The following PLCB1 variants were observed in gnomAD, a reference collection of about 807,000 sequenced individuals.
PLCB1 encodes 1-phosphatidylinositol 4,5-bisphosphate phosphodiesterase beta-1.
Under a neutral mutation model 161.8 loss-of-function variants are expected in PLCB1, and 46 were observed. The ratio of observed to expected loss-of-function variants is 0.28; its 90% CI spans 0.22 to 0.36. PLCB1 has a LOEUF of 0.36. Ranked by LOEUF, PLCB1 falls within the 10% of genes least tolerant of loss-of-function variation. The pLI is 1.00. For synonymous variants in PLCB1, 517 were observed against 503.7 expected, an observed-to-expected ratio of 1.03 and a Z score of -0.35; for missense variants, 1,016 against 1,472.5, an observed-to-expected ratio of 0.69 and a Z score of 5.07.
In PLCB1 at chr20:8,132,926, C is replaced by A. The variant is rs1429110318; in HGVS notation, c.99+176C>A. On this transcript the variant is annotated intron_variant, in intron 1 of 31. Transcript: ENST00000338037. The surrounding 1 kb of genome is among the most constrained non-coding windows in gnomAD (Gnocchi z 5.2). ...CGGATGTCCAAGGGCAGAAGCTTTGCGCGCGCTCCTGTTTCATCGGGCTTC... is the reference window on the plus strand; with the variant it reads ...CGGATGTCCAAGGGCAGAAGCTTTGAGCGCGCTCCTGTTTCATCGGGCTTC... Among the ~76,000 whole-genome samples, 1 of 152,120 alleles carries A rather than the reference C, an allele frequency of 6.6e-6. No individual in the cohort carries two copies. The highest frequency in any genetic ancestry group is 6.5e-5 in the Admixed American group (1 of 15,274).
chr20:8,583,963 A>G (rs2123087473), intron 3 of PLCB1, among the ~76,000 whole-genome samples: 1 of 152,304 alleles, frequency 6.6e-6, no homozygotes, highest in Admixed American at 6.5e-5. Flanking sequence ...AAGCTTATGC[A>G]GCCTCACACC....
intron 2 of PLCB1, among the ~76,000 whole-genome samples, chr20:8,179,846 C>CTTTTTTTTTTTT (rs35174594): frequency 1.4e-5 from 1 of 71,418 alleles, no homozygotes; most frequent in Non-Finnish European, 2.6e-5. Flanking sequence ...TTGTTGAGGG[C>CTTTTTTTTTTTT]TTTTTTTTTT....
chr20:8,575,734 C>T (rs887784589), intron 3 of PLCB1, among the ~76,000 whole-genome samples: 3 of 152,200 alleles, frequency 2.0e-5, no homozygotes, highest in African/African-American at 7.2e-5. Flanking sequence ...GTGAAATCAT[C>T]TTGCAATCTG....
At chr20:8,318,314 A>G (rs531469720) in intron 2 of PLCB1, among the ~76,000 whole-genome samples, 1 of 152,260 alleles carries the variant, frequency 6.6e-6, no homozygotes, top group South Asian at 2.1e-4. Context: ...CTGATTTTCT[A>G]GTGGGAGAAG....
In PLCB1 at chr20:8,841,724, C is replaced by T. The variant is rs576261026; in HGVS notation, c.3424-39898C>T. 1.5e-3 allele frequency among the ~76,000 whole-genome samples: 230 copies of T among 152,314 alleles called. 1 individual carries two copies. Among genetic ancestry groups the T allele is most frequent in the African/African-American group, 5.1e-3 (213 of 41,566 alleles). On this transcript the variant is annotated intron_variant, in intron 31 of 31. Coordinates refer to ENST00000338037, the MANE Select transcript of PLCB1 (RefSeq NM_015192.4). ...AATGAAGGAAATAAGCTCTGAACCA[C>T]GCAGGTCACAGTTTCTGTTGGTTGT...
intron 3 of PLCB1, among the ~76,000 whole-genome samples, chr20:8,474,012 C>T (rs917680269): frequency 5.3e-5 from 8 of 152,182 alleles, no homozygotes; most frequent in African/African-American, 1.9e-4. Flanking sequence ...CTGCAATAGT[C>T]TTGACTCTTG....
chr20:8,701,220 T>C (rs1990696285), intron 11 of PLCB1, among the ~76,000 whole-genome samples: 1 of 152,178 alleles, frequency 6.6e-6, no homozygotes, highest in Non-Finnish European at 1.5e-5. Context: ...CACAAGGCCC[T>C]ACATAATCTG....
At chr20:8,456,177 C>A (rs1285226334) in intron 3 of PLCB1, among the ~76,000 whole-genome samples, 1 of 152,092 alleles carries the variant, frequency 6.6e-6, no homozygotes, top group African/African-American at 2.4e-5. Context: ...TAGGTCTCAC[C>A]ACACTACTAT....
intron 19 of PLCB1, 115 bp from the exon 20 acceptor site, chr20:8,736,913 C>A: frequency 1.4e-6 from 1 of 740,156 alleles, no homozygotes; most frequent in Non-Finnish European, 2.3e-6. Context: ...TTCCATTTTG[C>A]TTATAATTCA....
chr20:8,312,748 A>C (rs571231969), intron 2 of PLCB1, among the ~76,000 whole-genome samples: 59 of 152,148 alleles, frequency 3.9e-4, no homozygotes, highest in Non-Finnish European at 6.6e-4. Flanking sequence ...ACACATACTG[A>C]AGTAATATAA....
chr20:8,756,721 G>A (rs537234254), intron 23 of PLCB1, among the ~76,000 whole-genome samples: 2 of 152,258 alleles, frequency 1.3e-5, no homozygotes, highest in South Asian at 4.2e-4. Flanking sequence ...GGAAAAATTT[G>A]CAAGGGTCTT....
intron 27 of PLCB1, among the ~76,000 whole-genome samples, chr20:8,781,311 T>C (rs1983209454): frequency 6.6e-6 from 1 of 152,098 alleles, no homozygotes; most frequent in African/African-American, 2.4e-5. Context: ...AAGCAAAAGA[T>C]GTTAGTAGTG....
intron 2 of PLCB1, among the ~76,000 whole-genome samples, chr20:8,343,350 T>C (rs534227273): frequency 2.6e-5 from 4 of 152,326 alleles, no homozygotes; most frequent in African/African-American, 9.6e-5. Flanking sequence ...CACAGATCTC[T>C]AGGCCCTATG....
At chr20:8,680,983 CA>C (rs1236452538) in intron 9 of PLCB1, among the ~76,000 whole-genome samples, 3 of 148,308 alleles carry the variant, frequency 2.0e-5, no homozygotes, top group Non-Finnish European at 4.5e-5. Context: ...TTTTTGTTGA[CA>C]AAAATATACA....
intron 9 of PLCB1, among the ~76,000 whole-genome samples, chr20:8,670,673 T>C (rs1381252257): frequency 6.6e-6 from 1 of 152,060 alleles, no homozygotes; most frequent in Non-Finnish European, 1.5e-5. Flanking sequence ...AATGGTAAAA[T>C]AATGAAAGAA....
At chr20:8,379,713 C>T (rs2122380626) in intron 3 of PLCB1, among the ~76,000 whole-genome samples, 1 of 152,290 alleles carries the variant, frequency 6.6e-6, no homozygotes, top group Admixed American at 6.5e-5. Flanking sequence ...TGATGTTGAG[C>T]TTTTTTTCAT....
chr20:8,643,874 C>G (rs1041549885), intron 4 of PLCB1, among the ~76,000 whole-genome samples: 4 of 150,676 alleles, frequency 2.7e-5, no homozygotes, highest in African/African-American at 9.7e-5. Context: ...GCCGCCATCT[C>G]GGCTCACTGC....
rs1477031487 is a variant in PLCB1, at chr20:8,185,592, ATATATATAAACACTT to A, written c.177+35239_177+35253del. Among the ~76,000 whole-genome samples, 8 of 151,278 alleles carry A rather than the reference ATATATATAAACACTT, an allele frequency of 5.3e-5. No individual in the cohort carries two copies. In the East Asian group the frequency reaches 5.8e-4, roughly 11 times the overall value. Reference sequence around the variant, plus strand: ...CATATATTTATTTATTACTTATTTTATATATATAAACACTTTATATATAAACACTTTAAGGAAAAT... The same window carrying A: ...CATATATTTATTTATTACTTATTTTATATATATAAACACTTTAAGGAAAAT... On this transcript the variant is annotated intron_variant, in intron 2 of 31. Coordinates refer to ENST00000338037, the MANE Select transcript of PLCB1 (RefSeq NM_015192.4).
intron 31 of PLCB1, chr20:8,792,443 G>C (rs1983804184): frequency 2.2e-5 from 9 of 403,892 alleles, no homozygotes; most frequent in Non-Finnish European, 4.0e-5. Flanking sequence ...ATAGCAACTG[G>C]GTAGACAGGT....
Sources: allele counts gnomAD v4.1 joint callset (sites outside exome capture counted in the v4.1 genomes callset), GRCh38; gene constraint gnomAD v4.1.1; non-coding constraint Gnocchi (gnomAD v3.1); transcripts MANE v1.5; gene names NCBI Gene and HGNC (gene_info 2026-07-23, HGNC 2026-07-21).